Variants in DAPL1 observed in about 807,000 individuals in gnomAD.
The protein encoded by DAPL1 is death associated protein like 1.
DAPL1 carries 17 observed loss-of-function variants against 12.9 expected under a neutral mutation model. The observed-to-expected ratio is 1.32, with a 90% CI of 0.90 to 1.98. The LOEUF is 1.98. Among genes scored for constraint, DAPL1 ranks in the 30% most tolerant of loss-of-function variants. The pLI, the probability that DAPL1 is intolerant of heterozygous loss-of-function variation, is 0.00. For synonymous variants in DAPL1, 51 were observed against 42.0 expected (o/e 1.21, Z -0.82); for missense variants, 157 against 125.7 (o/e 1.25, Z -1.19).
chr2:158,809,240 C>T (rs1030796888), intron 3 of DAPL1, among the ~76,000 whole-genome samples: 1 of 150,600 alleles, frequency 6.6e-6, no homozygotes, highest in Non-Finnish European at 1.5e-5. Flanking sequence ...TACCTGTAAT[C>T]CCAGCTACTC....
rs10526986 is a variant in DAPL1 at position 158,809,357 on chromosome 2, C to CAAAAAAA, written c.207+2247_207+2253dup. Among the ~76,000 whole-genome samples the CAAAAAAA allele has an allele frequency of 1.4e-4, 10 of 69,544 alleles. 1 individual carries two copies. Among genetic ancestry groups the CAAAAAAA allele is most frequent in the South Asian group, 5.1e-4 (1 of 1,980 alleles). The allele number at this position is 69,544 out of a possible 152,430, so 45.6% of individuals were successfully genotyped here. ...TGGGTGACAGAGCGAGACTCCATCT[C>CAAAAAAA]AAAAAAAAAAAGAAATATTTTTAAC... On this transcript the variant is annotated intron_variant, in intron 3 of 3. Coordinates refer to ENST00000309950, the MANE Select transcript of DAPL1 (RefSeq NM_001017920.3).
rs188996021 is a variant in DAPL1, at chr2:158,803,015, A to G, written c.59-1267A>G. On this transcript the variant is annotated intron_variant, in intron 1 of 3. Coordinates refer to ENST00000309950, the MANE Select transcript of DAPL1 (RefSeq NM_001017920.3). ...ACACACAGATGATATATAGAGATAT[A>G]GATGTAGATGTAAATATAGATTTGG... Among the ~76,000 whole-genome samples the G allele has an allele frequency of 5.1e-3, 779 of 152,380 alleles. 3 individuals are homozygous for G. The highest frequency in any genetic ancestry group is 8.6e-3 in the Non-Finnish European group (583 of 68,042).
chr2:158,796,103 T>A (rs2105146103), intron 1 of DAPL1, among the ~76,000 whole-genome samples: 1 of 152,312 alleles, frequency 6.6e-6, no homozygotes, highest in East Asian at 1.9e-4. Flanking sequence ...AATATGGAAA[T>A]TAGTTTTATT....
At chr2:158,804,806 A>G (rs11684616) in intron 2 of DAPL1, among the ~76,000 whole-genome samples, 2,721 of 152,356 alleles carry the variant, frequency 0.018, 53 homozygotes, top group Non-Finnish European at 0.03. Flanking sequence ...TTTTAAACCC[A>G]TCACTGAATT....
chr2:158,802,990 A>G (rs559004112), intron 1 of DAPL1, among the ~76,000 whole-genome samples: 2 of 152,372 alleles, frequency 1.3e-5, no homozygotes, highest in Admixed American at 6.5e-5. Context: ...AAAAAGAAAA[A>G]CACACAGATG....
chr2:158,811,966 A>G (rs765816670), intron 3 of DAPL1, among the ~76,000 whole-genome samples: 3 of 152,154 alleles, frequency 2.0e-5, no homozygotes, highest in Non-Finnish European at 4.4e-5. Flanking sequence ...GAATTAGTAC[A>G]TTTAGGAGCT....
chr2:158,798,002 G>T (rs2059144234), intron 1 of DAPL1, among the ~76,000 whole-genome samples: 1 of 152,088 alleles, frequency 6.6e-6, no homozygotes, highest in African/African-American at 2.4e-5. Context: ...CTGCTTTTTT[G>T]ATTTGTCTCA....
At chr2:158,810,197 A>G (rs1285748746) in intron 3 of DAPL1, among the ~76,000 whole-genome samples, 2 of 152,192 alleles carry the variant, frequency 1.3e-5, no homozygotes, top group East Asian at 1.9e-4. Context: ...AAATATATGA[A>G]TCGATATATA....
At chr2:158,802,667 T>G (rs1234349973) in intron 1 of DAPL1, among the ~76,000 whole-genome samples, 1 of 152,202 alleles carries the variant, frequency 6.6e-6, no homozygotes, top group Admixed American at 6.5e-5. Flanking sequence ...AAGACCCCTA[T>G]ATAAGAAAAA....
At chr2:158,797,463 G>A (rs2059140311) in intron 1 of DAPL1, among the ~76,000 whole-genome samples, 1 of 151,988 alleles carries the variant, frequency 6.6e-6, no homozygotes, top group Non-Finnish European at 1.5e-5. Context: ...AAACTGCAAT[G>A]GAAAAAATAT....
rs763259218 is a variant in DAPL1 at position 158,804,377 on chromosome 2, C to G, written c.146+8C>G. On this transcript the variant is annotated splice_region_variant and intron_variant, in intron 2 of 3. Coordinates refer to ENST00000309950, the MANE Select transcript of DAPL1 (RefSeq NM_001017920.3). ...AGGATTCGAGAAAACAAGGTAGGGA[C>G]TCTTAATTTTTCTCCATCACCTTGA... 1.9e-6 allele frequency: 3 copies of G among 1,595,642 alleles called. No individual in the cohort carries two copies. Among genetic ancestry groups the G allele is most frequent in the Non-Finnish European group, 2.6e-6 (3 of 1,168,064 alleles).
At chr2:158,811,801 A>C (rs866584763) in intron 3 of DAPL1, among the ~76,000 whole-genome samples, 8 of 152,208 alleles carry the variant, frequency 5.3e-5, no homozygotes, top group Middle Eastern at 3.2e-3. Flanking sequence ...TACAAAGACT[A>C]ATGATGAAAA....
intron 1 of DAPL1, among the ~76,000 whole-genome samples, chr2:158,795,642 C>T (rs1450135258): frequency 1.3e-5 from 2 of 152,190 alleles, no homozygotes; most frequent in Non-Finnish European, 2.9e-5. Flanking sequence ...TGAGTTAAAA[C>T]CTAATTACCT....
rs977281346 is a variant in DAPL1 at position 158,795,425 on chromosome 2, C to T, written c.53C>T (p.Pro18Leu). The T allele has an allele frequency of 1.3e-6, 2 of 1,554,788 alleles. No individual in the cohort carries two copies. Among genetic ancestry groups the T allele is most frequent in the Non-Finnish European group, 1.7e-6 (2 of 1,148,762 alleles). Reference sequence around the variant, plus strand: ...TCCCCTCGGAAAGGGGGACATCCTCCTGCAGGTAGGCTGCCACCTGCCCTC... The same window carrying T: ...TCCCCTCGGAAAGGGGGACATCCTCTTGCAGGTAGGCTGCCACCTGCCCTC... ...LLSPRKGGHPPAVKAGGMRIS... is the reference protein window; with the variant it reads ...LLSPRKGGHPLAVKAGGMRIS... Residue 18 changes from proline to leucine, a missense_variant, in exon 1 of 4, where the codon CCT (proline) becomes CTT (leucine). Pro to Leu is a moderately conservative substitution (Grantham distance 98). Coordinates refer to ENST00000309950, the MANE Select transcript of DAPL1 (RefSeq NM_001017920.3).
In DAPL1 at chr2:158,815,856, C is replaced by T; in HGVS notation, c.*35C>T. On this transcript the variant is annotated 3_prime_UTR_variant, in exon 4 of 4. Transcript: ENST00000309950. ...TAAAACACAGCCGTCTGGCCAGCTG[C>T]CTCGAATATCTGACAGCTTAGCAAA... The T allele has an allele frequency of 6.9e-7, 1 of 1,456,484 alleles. No homozygotes were observed. The highest frequency in any genetic ancestry group is 9.7e-7 in the Non-Finnish European group (1 of 1,036,018). The allele number at this position is 1,456,484 out of a possible 1,614,324, so 90.2% of individuals were successfully genotyped here.
At chr2:158,799,565 A>G (rs2059154582) in intron 1 of DAPL1, among the ~76,000 whole-genome samples, 1 of 151,940 alleles carries the variant, frequency 6.6e-6, no homozygotes, top group Non-Finnish European at 1.5e-5. Flanking sequence ...CCTCCCACAA[A>G]CTGACCCCAC....
At chr2:158,808,733 C>T (rs955993015) in intron 3 of DAPL1, among the ~76,000 whole-genome samples, 24 of 152,234 alleles carry the variant, frequency 1.6e-4, no homozygotes, top group East Asian at 1.9e-4. Context: ...CTCTTGCTCC[C>T]GCCCACTAAA....
In DAPL1 at chr2:158,809,461, C is replaced by A. The variant is rs189940424; in HGVS notation, c.207+2346C>A. Among the ~76,000 whole-genome samples, 45 of 151,950 alleles carry A rather than the reference C, an allele frequency of 3.0e-4. No homozygotes were observed. In the East Asian group the frequency reaches 8.1e-3, roughly 27 times the overall value. On this transcript the variant is annotated intron_variant, in intron 3 of 3. Transcript: ENST00000309950. ...TGGAGTAGGACTGTGGCTAAGATTGCACGGGTTACTGGTTAGGAGAGCAGG... is the reference window on the plus strand; with the variant it reads ...TGGAGTAGGACTGTGGCTAAGATTGAACGGGTTACTGGTTAGGAGAGCAGG...
At chr2:158,812,739 G>A (rs1374707423) in intron 3 of DAPL1, among the ~76,000 whole-genome samples, 2 of 148,528 alleles carry the variant, frequency 1.3e-5, no homozygotes, top group Non-Finnish European at 3.0e-5. Context: ...ATGTTGCAGG[G>A]AGCAGAGATC....
Sources: allele counts gnomAD v4.1 joint callset (sites outside exome capture counted in the v4.1 genomes callset), GRCh38; gene constraint gnomAD v4.1.1; transcripts MANE v1.5; gene names NCBI Gene and HGNC (gene_info 2026-07-23, HGNC 2026-07-21).